INVS: variants seen among roughly 807,000 people sequenced by gnomAD.
The protein encoded by INVS is inversin, also known as inversion of embryo turning homolog.
A neutral mutation model predicts 108.8 loss-of-function variants in INVS; 86 were observed. The observed-to-expected ratio is 0.79, with a 90% CI of 0.66 to 0.95. The LOEUF (loss-of-function observed/expected upper bound fraction) is 0.95, where lower values mean the gene tolerates loss of function less well. Ranked by LOEUF, INVS falls within the 40% of genes least tolerant of loss-of-function variation. The pLI, the probability that INVS is intolerant of heterozygous loss-of-function variation, is 0.00. For missense variants in INVS, 1,169 were observed against 1,297.4 expected, an observed-to-expected ratio of 0.90 and a Z score of 1.52; for synonymous variants, 455 against 473.5, an observed-to-expected ratio of 0.96 and a Z score of 0.51.
intron 3 of INVS, among the ~76,000 whole-genome samples, chr9:100,180,776 T>C (rs1829864975): frequency 6.6e-6 from 1 of 152,180 alleles, no homozygotes; most frequent in African/African-American, 2.4e-5. Flanking sequence ...CTACCTCATT[T>C]TATGAGGCCA....
intron 3 of INVS, chr9:100,131,954 G>A (rs570338765): frequency 7.6e-5 from 73 of 955,560 alleles, no homozygotes; most frequent in Middle Eastern, 5.3e-4. Context: ...ACTTATACCA[G>A]GTAACACTAT....
chr9:100,131,323 T>C (rs939594455), intron 3 of INVS, among the ~76,000 whole-genome samples: 1 of 152,186 alleles, frequency 6.6e-6, no homozygotes, highest in African/African-American at 2.4e-5. Context: ...TTATCTACTT[T>C]AAAAATATAT....
chr9:100,190,909 G>A (rs1370826269), intron 3 of INVS, among the ~76,000 whole-genome samples: 1 of 151,682 alleles, frequency 6.6e-6, no homozygotes, highest in Non-Finnish European at 1.5e-5. Context: ...TACCCAGGCT[G>A]GAATGCAGTG....
At chr9:100,138,545 A>C (rs1828310322) in intron 3 of INVS, among the ~76,000 whole-genome samples, 3 of 152,060 alleles carry the variant, frequency 2.0e-5, no homozygotes, top group African/African-American at 7.2e-5. Context: ...TTCTGTACCC[A>C]GCTTCTACCC....
intron 1 of INVS, among the ~76,000 whole-genome samples, chr9:100,102,272 T>C (rs1039883272): frequency 6.6e-6 from 1 of 152,120 alleles, no homozygotes; most frequent in Admixed American, 6.6e-5. Context: ...CTAATTTTTG[T>C]GTTTTTAGTA....
chr9:100,166,526 A>G (rs1829369964), intron 3 of INVS, among the ~76,000 whole-genome samples: 1 of 152,146 alleles, frequency 6.6e-6, no homozygotes, highest in Non-Finnish European at 1.5e-5. Flanking sequence ...TTGTTTAAGA[A>G]AAAAAAGAAG....
chr9:100,234,883 C>T (rs1831629215), intron 5 of INVS, among the ~76,000 whole-genome samples: 1 of 152,146 alleles, frequency 6.6e-6, no homozygotes, highest in African/African-American at 2.4e-5. Flanking sequence ...ATTAGGTCCA[C>T]TTGATCCATA....
chr9:100,131,429 A>G (rs1218122917), intron 3 of INVS, among the ~76,000 whole-genome samples: 3 of 152,180 alleles, frequency 2.0e-5, no homozygotes, highest in Non-Finnish European at 4.4e-5. Flanking sequence ...AGTCCAAGAA[A>G]CTGAAGAAAT....
rs367636865 is a variant in INVS at position 100,292,799 on chromosome 9, T to C, written c.2542T>C (p.Leu848=). ...GCTCACAGGAGGGCTCTATTCACAT[T>C]TGCCACAGAGCACAGAGGAGTTGAG... The part of the protein sequence containing the change: ...AKLTGGLYSH[L]PQSTEELRSG... Residue 848 remains leucine (L), a synonymous_variant, in exon 14 of 17, where the codon TTG becomes CTG. Transcript: ENST00000262457. 2.5e-6 allele frequency: 4 copies of C among 1,613,952 alleles called. No individual in the cohort carries two copies. In the African/African-American group the frequency reaches 5.3e-5, roughly 22 times the overall value.
intron 3 of INVS, among the ~76,000 whole-genome samples, chr9:100,140,857 G>T (rs901207938): frequency 6.6e-6 from 1 of 152,094 alleles, no homozygotes; most frequent in African/African-American, 2.4e-5. Context: ...GGTTTTGTAT[G>T]AATTGAAAAA....
chr9:100,194,490 AATTAAAAT>A (rs1830315920), intron 3 of INVS, among the ~76,000 whole-genome samples: 2 of 141,366 alleles, frequency 1.4e-5, no homozygotes, highest in Non-Finnish European at 3.2e-5. Flanking sequence ...CTTATATATA[AATTAAAAT>A]GAGGGTTTTT....
chr9:100,138,631 AAG>A (rs143579542), intron 3 of INVS, among the ~76,000 whole-genome samples: 23,937 of 151,326 alleles, frequency 0.16, 2,629 homozygotes, highest in African/African-American at 0.31. Flanking sequence ...ACTTTTGATA[AAG>A]AGTCTTTAAC....
At chr9:100,155,201 A>T (rs1472594068) in intron 3 of INVS, among the ~76,000 whole-genome samples, 1 of 150,338 alleles carries the variant, frequency 6.7e-6, no homozygotes, top group Non-Finnish European at 1.5e-5. Flanking sequence ...ACAGAGTGAG[A>T]CTCCATCTCA....
intron 12 of INVS, among the ~76,000 whole-genome samples, chr9:100,282,017 G>T (rs7866700): frequency 0.18 from 27,073 of 152,070 alleles, 2,841 homozygotes; most frequent in African/African-American, 0.29. Context: ...ATGGCAGTGA[G>T]ATCCATATAG....
At chr9:100,269,592 A>T (rs1296951604) in intron 11 of INVS, among the ~76,000 whole-genome samples, 1 of 152,220 alleles carries the variant, frequency 6.6e-6, no homozygotes, top group Admixed American at 6.5e-5. Context: ...TCTTCCTTTT[A>T]TGTCTTAACT....
intron 3 of INVS, among the ~76,000 whole-genome samples, chr9:100,213,732 G>C (rs969882600): frequency 2.6e-5 from 4 of 152,174 alleles, no homozygotes; most frequent in African/African-American, 9.7e-5. Flanking sequence ...TGTGGAAGTT[G>C]CAGAGGCTGC....
At chr9:100,261,499 T>TG in intron 10 of INVS, among the ~76,000 whole-genome samples, 1 of 152,030 alleles carries the variant, frequency 6.6e-6, no homozygotes, top group Non-Finnish European at 1.5e-5. Flanking sequence ...GATCTCCTGA[T>TG]CTTGTGATCC....
At chr9:100,281,931 C>T (rs1007236148) in intron 12 of INVS, among the ~76,000 whole-genome samples, 1 of 152,292 alleles carries the variant, frequency 6.6e-6, no homozygotes, top group Admixed American at 6.5e-5. Context: ...AACAAGAGAG[C>T]TGTTGGGTTT....
intron 5 of INVS, among the ~76,000 whole-genome samples, chr9:100,231,662 C>T (rs1409752708): frequency 1.3e-5 from 2 of 152,086 alleles, no homozygotes; most frequent in Admixed American, 6.5e-5. Context: ...CTTCAACCAT[C>T]TCCCTGCAAA....
Sources: allele counts gnomAD v4.1 joint callset (sites outside exome capture counted in the v4.1 genomes callset), GRCh38; gene constraint gnomAD v4.1.1; transcripts MANE v1.5; gene names NCBI Gene and HGNC (gene_info 2026-07-23, HGNC 2026-07-21).